The following PCDH9 variants were observed in gnomAD, a reference collection of about 807,000 sequenced individuals.
PCDH9 encodes protocadherin-9.
PCDH9 carries 24 observed loss-of-function variants against 70.6 expected under a neutral mutation model. The ratio of observed to expected loss-of-function variants is 0.34; its 90% CI spans 0.25 to 0.48. The LOEUF (loss-of-function observed/expected upper bound fraction) is 0.48, where lower values mean the gene tolerates loss of function less well. PCDH9 is among the 20% of genes least tolerant of loss of function. The pLI is 0.99. For missense variants in PCDH9, 1,281 were observed against 1,503.6 expected (o/e 0.85, Z 2.45); for synonymous variants, 562 against 558.5 (o/e 1.01, Z -0.09).
intron 3 of PCDH9, among the ~76,000 whole-genome samples, chr13:66,893,822 C>G (rs545506701): frequency 1.3e-3 from 199 of 152,138 alleles, no homozygotes; most frequent in African/African-American, 4.6e-3. Flanking sequence ...CTATTCCATT[C>G]TAACCTATTT....
chr13:66,445,367 C>A (rs1195605894), intron 4 of PCDH9, among the ~76,000 whole-genome samples: 1 of 146,696 alleles, frequency 6.8e-6, no homozygotes, highest in Non-Finnish European at 1.5e-5. Flanking sequence ...AAATGCTATA[C>A]ATATATTTAC....
rs540982629 is a variant in PCDH9 at position 66,442,926 on chromosome 13, C to T, written c.3341-137898G>A. On this transcript the variant is annotated intron_variant, in intron 4 of 4. Coordinates refer to ENST00000377865, the MANE Select transcript of PCDH9 (RefSeq NM_203487.3). ...TTAGCAATATGTGTAAATGGTAGTT[C>T]CTAATTCCAGGCATATCTCTACATA... 2.2e-3 allele frequency among the ~76,000 whole-genome samples: 329 copies of T among 152,246 alleles called. 1 individual carries two copies. Among genetic ancestry groups the T allele is most frequent in the Non-Finnish European group, 3.0e-3 (207 of 68,022 alleles).
intron 2 of PCDH9, among the ~76,000 whole-genome samples, chr13:67,107,453 A>T (rs2086570303): frequency 6.6e-6 from 1 of 152,146 alleles, no homozygotes; most frequent in African/African-American, 2.4e-5. Flanking sequence ...CTCCCAGCAG[A>T]TAGAAACTAC....
chr13:67,058,373 C>T (rs1281404745), intron 2 of PCDH9, among the ~76,000 whole-genome samples: 1 of 152,068 alleles, frequency 6.6e-6, no homozygotes, highest in Non-Finnish European at 1.5e-5. Context: ...TATAGTGACC[C>T]TGTGTTCTCC....
intron 2 of PCDH9, among the ~76,000 whole-genome samples, chr13:66,944,076 A>C (rs1349979422): frequency 1.3e-5 from 2 of 152,174 alleles, no homozygotes; most frequent in African/African-American, 4.8e-5. Context: ...TTTGAGAATC[A>C]TTAAGTAATT....
intron 4 of PCDH9, among the ~76,000 whole-genome samples, chr13:66,518,720 G>A (rs1307076560): frequency 2.6e-5 from 4 of 152,096 alleles, no homozygotes; most frequent in Non-Finnish European, 5.9e-5. Context: ...ATACATGTGG[G>A]GTGGTGGTAA....
At chr13:66,468,528 G>A (rs1958557680) in intron 4 of PCDH9, among the ~76,000 whole-genome samples, 2 of 152,130 alleles carry the variant, frequency 1.3e-5, no homozygotes, top group South Asian at 4.1e-4. Context: ...AAGAAGATTT[G>A]TTATGTCTTA....
chr13:66,488,883 C>T (rs145434655), intron 4 of PCDH9, among the ~76,000 whole-genome samples: 2 of 152,028 alleles, frequency 1.3e-5, no homozygotes, highest in African/African-American at 4.8e-5. Flanking sequence ...GGATTAAACA[C>T]TTAAATAGAA....
intron 2 of PCDH9, among the ~76,000 whole-genome samples, chr13:66,987,540 T>C (rs1437120793): frequency 3.3e-5 from 5 of 152,068 alleles, no homozygotes; most frequent in Non-Finnish European, 4.4e-5. Context: ...ATGTATTATA[T>C]TAATAAATTT....
Position 66,425,220 on chromosome 13 carries a change from T to C in PCDH9, c.3341-120192A>G, listed in dbSNP as rs573945729. Among the ~76,000 whole-genome samples the C allele has an allele frequency of 5.9e-5, 9 of 151,942 alleles. No homozygotes were observed. In the East Asian group the frequency reaches 1.7e-3, roughly 29 times the overall value. On this transcript the variant is annotated intron_variant, in intron 4 of 4. Transcript: ENST00000377865. The stretch of plus-strand genomic sequence containing the variant: ...AACATTTGATCTCTCTCTCTCTACC[T>C]AAAAACTTTGTGAAAGACATTACAG...
At chr13:67,195,398 C>T (rs576597782) in intron 2 of PCDH9, among the ~76,000 whole-genome samples, 8 of 152,288 alleles carry the variant, frequency 5.3e-5, no homozygotes, top group African/African-American at 1.7e-4. Context: ...CCGCCTCGGC[C>T]TCCCAAAGTG....
At chr13:66,420,423 C>T (rs1957544821) in intron 4 of PCDH9, among the ~76,000 whole-genome samples, 1 of 152,184 alleles carries the variant, frequency 6.6e-6, no homozygotes, top group Non-Finnish European at 1.5e-5. Context: ...TACAGGAGAG[C>T]TCCAGCTGGC....
At chr13:66,754,691 A>T (rs570126644) in intron 3 of PCDH9, among the ~76,000 whole-genome samples, 11 of 152,216 alleles carry the variant, frequency 7.2e-5, no homozygotes, top group Non-Finnish European at 1.6e-4. Context: ...TGAAACTGGT[A>T]TAAATAGAAA....
intron 2 of PCDH9, among the ~76,000 whole-genome samples, chr13:66,937,151 T>C (rs532807261): frequency 6.6e-6 from 1 of 152,238 alleles, no homozygotes; most frequent in Non-Finnish European, 1.5e-5. Flanking sequence ...TTAAAATGTA[T>C]ACAATGTGCC....
chr13:66,590,781 A>C (rs1809683321), intron 4 of PCDH9, among the ~76,000 whole-genome samples: 1 of 151,862 alleles, frequency 6.6e-6, no homozygotes, highest in African/African-American at 2.4e-5. Flanking sequence ...GCACGTCTTT[A>C]ACTCCCTAGA....
chr13:66,312,328 A>G (rs1257741881), intron 4 of PCDH9, among the ~76,000 whole-genome samples: 1 of 152,196 alleles, frequency 6.6e-6, no homozygotes, highest in African/African-American at 2.4e-5. Context: ...CCCAAGAGAG[A>G]GCAAAGAAAT....
chr13:66,908,280 T>C (rs1276683573), intron 2 of PCDH9, among the ~76,000 whole-genome samples: 1 of 152,240 alleles, frequency 6.6e-6, no homozygotes, highest in African/African-American at 2.4e-5. Context: ...GTTTCATTTA[T>C]GTACTGGCCT....
chr13:66,987,605 G>A (rs2083918675), intron 2 of PCDH9, among the ~76,000 whole-genome samples: 2 of 151,846 alleles, frequency 1.3e-5, no homozygotes, highest in South Asian at 4.1e-4. Flanking sequence ...AATCAACTAA[G>A]TCATTGTTAG....
chr13:66,876,851 T>G (rs2081820895), intron 3 of PCDH9: 2 of 152,124 alleles, frequency 1.3e-5, no homozygotes, highest in African/African-American at 4.8e-5. Context: ...AAGTTACATA[T>G]ATCTTTGGAA....
Sources: gnomAD v4.1 joint callset for allele counts (sites outside exome capture counted in the v4.1 genomes callset) on GRCh38, gnomAD v4.1.1 for gene constraint, MANE v1.5 for transcripts, NCBI Gene and HGNC (gene_info 2026-07-23, HGNC 2026-07-21) for gene names.